TARP: variants seen among roughly 807,000 people sequenced by gnomAD.
At chr7:38,262,145 A>G in the TARP span, 2 of 1,600,426 alleles carry the variant, frequency 1.2e-6, no homozygotes, top group Non-Finnish European at 1.7e-6. Context: ...AATGATCAGG[A>G]GGAAGGGAAA....
At chr7:38,265,840 T>C in the TARP span, among the ~76,000 whole-genome samples, 1 of 151,150 alleles carries the variant, frequency 6.6e-6, no homozygotes, top group Non-Finnish European at 1.5e-5. Flanking sequence ...GTACTTATTA[T>C]TGTGCTTATT....
chr7:38,269,376 C>T, the TARP span: 12 of 624,974 alleles, frequency 1.9e-5, no homozygotes, highest in Admixed American at 3.2e-4. Context: ...AAGTTTTCTA[C>T]ATCAAATCCC....
the TARP span, chr7:38,265,384 A>G: frequency 5.0e-6 from 8 of 1,611,524 alleles, 1 homozygote; most frequent in African/African-American, 6.8e-5. Context: ...TTCTTGATCA[A>G]CTCCGTTTTT....
At chr7:38,262,189 A>C in the TARP span, 1 of 1,612,664 alleles carries the variant, frequency 6.2e-7, no homozygotes, top group African/African-American at 1.3e-5. Context: ...TCTTTTGAAC[A>C]ATTGTCTTTG....
chr7:38,261,172 T>C, the TARP span, among the ~76,000 whole-genome samples: 1 of 151,676 alleles, frequency 6.6e-6, no homozygotes, highest in Non-Finnish European at 1.5e-5. Context: ...GCAAAGCCCA[T>C]GCACCCACCC....
the TARP span, among the ~76,000 whole-genome samples, chr7:38,260,657 T>C: frequency 6.6e-6 from 1 of 151,786 alleles, no homozygotes; most frequent in African/African-American, 2.4e-5. Context: ...GTAAAGACAG[T>C]GGGGGTGGAC....
chr7:38,264,004 C>T, the TARP span, among the ~76,000 whole-genome samples: 2 of 151,828 alleles, frequency 1.3e-5, no homozygotes. Flanking sequence ...CACTTATTTC[C>T]ATGCATTGAT....
At chr7:38,264,885 T>C in the TARP span, among the ~76,000 whole-genome samples, 12 of 151,928 alleles carry the variant, frequency 7.9e-5, no homozygotes, top group African/African-American at 2.4e-4. Flanking sequence ...AATGAACCCG[T>C]TGTTTTTAGG....
At chr7:38,264,408 T>C in the TARP span, among the ~76,000 whole-genome samples, 3 of 151,410 alleles carry the variant, frequency 2.0e-5, no homozygotes, top group East Asian at 3.9e-4. Context: ...CTGGCCAACA[T>C]GGTGAAACCC....
At chr7:38,264,004 C>CATGCATTG in the TARP span, among the ~76,000 whole-genome samples, 1 of 151,828 alleles carries the variant, frequency 6.6e-6, no homozygotes, top group African/African-American at 2.4e-5. Flanking sequence ...CACTTATTTC[C>CATGCATTG]ATGCATTGAT....
At chr7:38,269,672 C>T in the TARP span, 3 of 550,506 alleles carry the variant, frequency 5.4e-6, no homozygotes, top group African/African-American at 5.7e-5. Flanking sequence ...TTCTGTTGCT[C>T]CACAAATCAA....
At chr7:38,271,461 T>C in the TARP span, among the ~76,000 whole-genome samples, 1 of 151,264 alleles carries the variant, frequency 6.6e-6, no homozygotes, top group Admixed American at 6.6e-5. Context: ...TCTAATACTC[T>C]GCTTTGATCC....
chr7:38,261,134 TA>T, the TARP span, among the ~76,000 whole-genome samples: 2 of 151,724 alleles, frequency 1.3e-5, no homozygotes, highest in South Asian at 4.2e-4. Context: ...ACCTAATCAT[TA>T]AAAGAGCTGG....
the TARP span, among the ~76,000 whole-genome samples, chr7:38,265,137 C>A: frequency 6.6e-6 from 1 of 151,222 alleles, no homozygotes; most frequent in Non-Finnish European, 1.5e-5. Context: ...GGAGCTGAGG[C>A]TGACAAACCT....
chr7:38,268,294 A>C, the TARP span, among the ~76,000 whole-genome samples: 449 of 151,540 alleles, frequency 3.0e-3, 3 homozygotes, highest in Middle Eastern at 0.014. Context: ...AAATTGCCTA[A>C]GTTGTTTGTA....
the TARP span, chr7:38,269,435 T>C: frequency 4.2e-6 from 3 of 715,622 alleles, no homozygotes; most frequent in African/African-American, 5.2e-5. Context: ...TCCAGTTTAA[T>C]AATTTCCTGC....
chr7:38,266,663 A>G, the TARP span, among the ~76,000 whole-genome samples: 1 of 151,642 alleles, frequency 6.6e-6, no homozygotes, highest in Non-Finnish European at 1.5e-5. Flanking sequence ...CTACTTCCGC[A>G]TGTACATACT....
the TARP span, among the ~76,000 whole-genome samples, chr7:38,267,564 A>T: frequency 6.6e-6 from 1 of 150,798 alleles, no homozygotes; most frequent in Non-Finnish European, 1.5e-5. Flanking sequence ...ATTAGTAAAC[A>T]TATACAGAAA....
the TARP span, among the ~76,000 whole-genome samples, chr7:38,265,155 C>A: frequency 1.3e-5 from 2 of 151,070 alleles, no homozygotes; most frequent in African/African-American, 4.9e-5. Flanking sequence ...CCTTCAGTAA[C>A]TTTTTCAATT....
Sources: gnomAD v4.1 joint callset for allele counts (sites outside exome capture counted in the v4.1 genomes callset) on GRCh38, gnomAD v4.1.1 for gene constraint, MANE v1.5 for transcripts.